Variants in TRDN observed in about 807,000 individuals in gnomAD.
TRDN encodes triadin in skeletal muscle.
TRDN carries 161 observed loss-of-function variants against 149.7 expected under a neutral mutation model. That is an observed-to-expected ratio of 1.08 (90% CI 0.95 to 1.23). The LOEUF is 1.23. Ranked by LOEUF, TRDN falls within the 50% of genes most tolerant of loss-of-function variation. The pLI, the probability that TRDN is intolerant of heterozygous loss-of-function variation, is 0.00. For missense variants in TRDN, 896 were observed against 823.5 expected (o/e 1.09, Z -1.08); for synonymous variants, 294 against 250.5 (o/e 1.17, Z -1.64).
intron 1 of TRDN, among the ~76,000 whole-genome samples, chr6:123,585,259 C>A (rs911553044): frequency 4.0e-5 from 6 of 151,680 alleles, no homozygotes; most frequent in Non-Finnish European, 7.4e-5. Context: ...GTTAAAGTGT[C>A]TCGGCCTAAT....
At chr6:123,550,973 A>G (rs1372355122) in intron 2 of TRDN, among the ~76,000 whole-genome samples, 1 of 151,862 alleles carries the variant, frequency 6.6e-6, no homozygotes, top group Non-Finnish European at 1.5e-5. Flanking sequence ...AAAGAATCAT[A>G]TGTAAGGAAC....
chr6:123,256,597 A>G (rs1219140487), intron 35 of TRDN, among the ~76,000 whole-genome samples: 5 of 151,498 alleles, frequency 3.3e-5, no homozygotes, highest in South Asian at 2.1e-4. Context: ...TGAGCTTTTT[A>G]AAATATGTTT....
At chr6:123,274,615 T>C (rs753710812) in intron 27 of TRDN, 26 bp downstream of exon 27, 1 of 1,593,786 alleles carries the variant, frequency 6.3e-7, no homozygotes, top group Admixed American at 1.7e-5. Flanking sequence ...CAACTCTGAA[T>C]CTATATAAAA....
intron 26 of TRDN, among the ~76,000 whole-genome samples, chr6:123,277,336 T>C (rs895936280): frequency 1.3e-5 from 2 of 152,104 alleles, no homozygotes; most frequent in African/African-American, 4.8e-5. Context: ...GAACATATTT[T>C]GCACCTATGG....
chr6:123,239,832 G>C (rs1487754023), intron 38 of TRDN, among the ~76,000 whole-genome samples: 1 of 151,932 alleles, frequency 6.6e-6, no homozygotes, highest in Non-Finnish European at 1.5e-5. Context: ...ATACATATTT[G>C]ATATTTATAA....
intron 10 of TRDN, 179 bp downstream of exon 10, chr6:123,464,727 T>A: frequency 7.2e-7 from 1 of 1,391,904 alleles, no homozygotes; most frequent in Non-Finnish European, 9.3e-7. Context: ...AAGGGGACAT[T>A]TTTGGTTTTC....
intron 4 of TRDN, among the ~76,000 whole-genome samples, chr6:123,537,225 T>G (rs774433715): frequency 2.0e-5 from 3 of 152,216 alleles, no homozygotes; most frequent in Non-Finnish European, 4.4e-5. Flanking sequence ...GCAGATTTAA[T>G]ATTATTACAT....
intron 37 of TRDN, among the ~76,000 whole-genome samples, chr6:123,253,518 CTCTT>C (rs576334085): frequency 3.8e-4 from 58 of 152,094 alleles, no homozygotes; most frequent in African/African-American, 1.1e-3. Flanking sequence ...ATTTGGAAAA[CTCTT>C]TCACTAAGAC....
At chr6:123,293,079 C>T (rs1321378965) in intron 24 of TRDN, among the ~76,000 whole-genome samples, 1 of 152,112 alleles carries the variant, frequency 6.6e-6, no homozygotes, top group Non-Finnish European at 1.5e-5. Context: ...ACAATTATTG[C>T]ATCAGGAAAT....
Position 123,260,649 on chromosome 6 carries a change from A to AG in TRDN, c.1805-12_1805-11insC. The AG allele has an allele frequency of 6.9e-7, 1 of 1,458,974 alleles. No homozygotes were observed. The highest frequency in any genetic ancestry group is 9.1e-7 in the Non-Finnish European group (1 of 1,100,802). 90.4% of individuals were successfully genotyped at this position (1,458,974 alleles called of 1,614,324 possible). A position where few individuals can be genotyped will look rare whatever the true frequency, so the allele number is the denominator to read the frequency against. On this transcript the variant is annotated splice_polypyrimidine_tract_variant and intron_variant, in intron 33 of 40. Transcript: ENST00000334268. ...CTTCTGATGTTCCTTCTTTAGAAAA[A>AG]AAAAAAAAAAGAATGTAGAAAGAAA...
At chr6:123,417,178 C>A (rs1353015898) in intron 12 of TRDN, among the ~76,000 whole-genome samples, 1 of 152,136 alleles carries the variant, frequency 6.6e-6, no homozygotes, top group Non-Finnish European at 1.5e-5. Context: ...TCCTGCATCT[C>A]CCTTTATATC....
intron 2 of TRDN, among the ~76,000 whole-genome samples, chr6:123,560,539 G>A (rs1562389599): frequency 1.3e-5 from 2 of 152,128 alleles, no homozygotes; most frequent in Non-Finnish European, 2.9e-5. Flanking sequence ...TCAGGACAAC[G>A]CTTATCCTGA....
chr6:123,229,934 T>A (rs1359749703), intron 38 of TRDN, among the ~76,000 whole-genome samples: 1 of 152,000 alleles, frequency 6.6e-6, no homozygotes, highest in Non-Finnish European at 1.5e-5. Flanking sequence ...TGGTTCTACA[T>A]TTTATTCTCT....
chr6:123,522,518 T>A (rs953020143), intron 5 of TRDN, among the ~76,000 whole-genome samples: 27 of 11,324 alleles, frequency 2.4e-3, no homozygotes, highest in African/African-American at 3.5e-3. Flanking sequence ...GCGGTTCCTC[T>A]TTTTTTTTTT....
At chr6:123,570,624 G>A (rs916413238) in intron 2 of TRDN, among the ~76,000 whole-genome samples, 1 of 152,060 alleles carries the variant, frequency 6.6e-6, no homozygotes, top group Non-Finnish European at 1.5e-5. Flanking sequence ...AGTTCCAAAC[G>A]AAATCTTCAC....
chr6:123,232,268 C>T (rs570574922), intron 38 of TRDN, among the ~76,000 whole-genome samples: 7 of 151,818 alleles, frequency 4.6e-5, no homozygotes, highest in Middle Eastern at 3.4e-3. Context: ...AAAGGGCAGG[C>T]GACCCACAAT....
intron 24 of TRDN, among the ~76,000 whole-genome samples, chr6:123,280,268 C>G (rs1451698402): frequency 1.3e-5 from 2 of 151,960 alleles, no homozygotes; most frequent in Non-Finnish European, 2.9e-5. Flanking sequence ...GAGCACTGAA[C>G]AGCATATACA....
At chr6:123,308,543 T>C (rs185981632) in intron 24 of TRDN, among the ~76,000 whole-genome samples, 5 of 152,116 alleles carry the variant, frequency 3.3e-5, no homozygotes, top group Admixed American at 2.0e-4. Context: ...TCTTCTACTC[T>C]GGACCTCTCG....
intron 22 of TRDN, among the ~76,000 whole-genome samples, chr6:123,334,033 C>G (rs1204596939): frequency 6.6e-6 from 1 of 151,944 alleles, no homozygotes; most frequent in Non-Finnish European, 1.5e-5. Context: ...TACACTACCC[C>G]CAGAGACAAA....
Sources: allele counts gnomAD v4.1 joint callset (sites outside exome capture counted in the v4.1 genomes callset), GRCh38; gene constraint gnomAD v4.1.1; transcripts MANE v1.5; gene names NCBI Gene and HGNC (gene_info 2026-07-23, HGNC 2026-07-21).